Variants in DCAF5 observed in about 807,000 individuals in gnomAD.
DCAF5 encodes the protein DDB1 and CUL4 associated factor 5.
DCAF5 carries 9 observed loss-of-function variants against 80.7 expected under a neutral mutation model. The observed-to-expected ratio is 0.11, with a 90% CI of 0.07 to 0.19. DCAF5 has a LOEUF of 0.19. Ranked by LOEUF, DCAF5 falls within the 10% of genes least tolerant of loss-of-function variation. The pLI is 1.00. For missense variants in DCAF5, 842 were observed against 1,205.7 expected (o/e 0.70, Z 4.47); for synonymous variants, 433 against 461.9 (o/e 0.94, Z 0.80).
intron 1 of DCAF5, among the ~76,000 whole-genome samples, chr14:69,124,976 T>C (rs1458442773): frequency 6.6e-6 from 1 of 152,198 alleles, no homozygotes; most frequent in Non-Finnish European, 1.5e-5. Flanking sequence ...CTAATCTCCC[T>C]CTGCCTCAGT....
intron 5 of DCAF5, among the ~76,000 whole-genome samples, chr14:69,093,252 G>A (rs2039591857): frequency 6.6e-6 from 1 of 152,018 alleles, no homozygotes; most frequent in African/African-American, 2.4e-5. Flanking sequence ...TATATGTTGG[G>A]GACACTGTAG....
At chr14:69,096,615 C>A (rs867087694) in intron 5 of DCAF5, among the ~76,000 whole-genome samples, 2 of 152,220 alleles carry the variant, frequency 1.3e-5, no homozygotes, top group African/African-American at 4.8e-5. Flanking sequence ...TGTTCTAGAG[C>A]CCAGAACGCT....
At chr14:69,137,861 T>A (rs2140106588) in intron 1 of DCAF5, among the ~76,000 whole-genome samples, 1 of 152,366 alleles carries the variant, frequency 6.6e-6, no homozygotes, top group South Asian at 2.1e-4. Flanking sequence ...TTCTACTTTA[T>A]TACTATTGTT....
intron 6 of DCAF5, chr14:69,083,533 G>A (rs2039197225): frequency 5.5e-6 from 2 of 362,568 alleles, no homozygotes; most frequent in Middle Eastern, 8.7e-4. Context: ...TGTGTCTGAA[G>A]AAACAACGGG....
rs11396838 is a variant in DCAF5 at position 69,141,139 on chromosome 14, TAAAAAAAAAAA to T, written c.214+11615_214+11625del. ...ACAGAGCGAGACTCCATCTCAAATT[TAAAAAAAAAAA>T]AAAAAAAAAAAAAAAAAAGTGGCAG... On this transcript the variant is annotated intron_variant, in intron 1 of 8. Coordinates refer to ENST00000341516, the MANE Select transcript of DCAF5 (RefSeq NM_003861.3). 2.5e-4 allele frequency among the ~76,000 whole-genome samples: 15 copies of T among 59,426 alleles called. No individual in the cohort carries two copies. In the South Asian group the frequency reaches 2.7e-3, roughly 11 times the overall value. The allele number at this position is 59,426 out of a possible 152,430, so 39.0% of individuals were successfully genotyped here. A position where few individuals can be genotyped will look rare whatever the true frequency, so the allele number is the denominator to read the frequency against.
chr14:69,096,593 C>A (rs1185664514), intron 5 of DCAF5, among the ~76,000 whole-genome samples: 1 of 152,110 alleles, frequency 6.6e-6, no homozygotes, highest in African/African-American at 2.4e-5. Flanking sequence ...AGGAACATGC[C>A]CAGAGTGGAT....
intron 1 of DCAF5, among the ~76,000 whole-genome samples, chr14:69,137,628 T>C (rs559274720): frequency 8.8e-4 from 134 of 152,272 alleles, no homozygotes; most frequent in Non-Finnish European, 1.5e-3. Context: ...CACCAGCAGA[T>C]GTAAACAGAG....
At chr14:69,075,278 G>T in intron 7 of DCAF5, 67 bp downstream of exon 7, 1 of 1,330,406 alleles carries the variant, frequency 7.5e-7, no homozygotes, top group South Asian at 1.3e-5. Flanking sequence ...TGTCCCCTCA[G>T]GGCACAGCAT....
chr14:69,077,419 T>G (rs2038943596), intron 6 of DCAF5, among the ~76,000 whole-genome samples: 1 of 149,840 alleles, frequency 6.7e-6, no homozygotes, highest in Non-Finnish European at 1.5e-5. Flanking sequence ...GGTCTTGCTC[T>G]GTCACCCAGG....
rs764156445 is a variant in DCAF5, at chr14:69,054,247, G to A, written c.2439C>T (p.Pro813=). The A allele has an allele frequency of 3.1e-6, 5 of 1,614,226 alleles. No individual in the cohort carries two copies. In the East Asian group the frequency reaches 1.1e-4, roughly 36 times the overall value. The change falls in exon 9 of 9, where the codon CCC becomes CCT. Residue 813 remains proline, a synonymous_variant. Coordinates refer to ENST00000341516, the MANE Select transcript of DCAF5 (RefSeq NM_003861.3). ...STLNSGSGNC[P]RTQSDDSEER... is the part of the protein sequence containing the mutation. The stretch of plus-strand genomic sequence containing the variant: ...CCTCACTGTCATCAGACTGGGTCCT[G>A]GGACAGTTGCCAGACCCGCTGTTGA...
At chr14:69,104,814 G>A (rs1341429244) in intron 5 of DCAF5, among the ~76,000 whole-genome samples, 3 of 151,536 alleles carry the variant, frequency 2.0e-5, no homozygotes, top group East Asian at 3.9e-4. Flanking sequence ...CCAAGATAGC[G>A]CCATTGCACT....
chr14:69,064,735 A>G (rs976569396), intron 7 of DCAF5, among the ~76,000 whole-genome samples: 1 of 152,236 alleles, frequency 6.6e-6, no homozygotes, highest in Non-Finnish European at 1.5e-5. Context: ...AAGCCATTTC[A>G]TCACACCACT....
intron 6 of DCAF5, among the ~76,000 whole-genome samples, chr14:69,086,561 G>A (rs2039328723): frequency 6.6e-6 from 1 of 150,812 alleles, no homozygotes; most frequent in Non-Finnish European, 1.5e-5. Context: ...TTCAGATAAA[G>A]GAGAACATAT....
chr14:69,068,635 T>C (rs1289726727), intron 7 of DCAF5, among the ~76,000 whole-genome samples: 1 of 150,476 alleles, frequency 6.6e-6, no homozygotes, highest in African/African-American at 2.5e-5. Flanking sequence ...GAGACAGAAG[T>C]TGCGGTGAGC....
At chr14:69,090,981 T>C in intron 6 of DCAF5, 1 of 673,548 alleles carries the variant, frequency 1.5e-6, no homozygotes, top group East Asian at 2.7e-5. Flanking sequence ...TGACCCAGAT[T>C]AGCCCAACTG....
At chr14:69,066,414 C>T (rs1430974606) in intron 7 of DCAF5, among the ~76,000 whole-genome samples, 1 of 152,144 alleles carries the variant, frequency 6.6e-6, no homozygotes, top group Non-Finnish European at 1.5e-5. Context: ...GGATTACAGG[C>T]ATGAGCCACT....
At chr14:69,083,458 C>A in intron 6 of DCAF5, 1 of 322,552 alleles carries the variant, frequency 3.1e-6, no homozygotes, top group Non-Finnish European at 6.0e-6. Context: ...CCTCAAACTG[C>A]GGCAGTGGAA....
Position 69,152,724 on chromosome 14 carries a change from G to C in DCAF5, c.214+41C>G, listed in dbSNP as rs767129806. ...GGAGAGCGAGAGGGGGAGGCTGGGA[G>C]GGTGCGGGGAGGCGCGGGGAGGGGA... On this transcript the variant is annotated intron_variant, in intron 1 of 8. Transcript: ENST00000341516. The surrounding 1 kb of genome is among the most constrained non-coding windows in gnomAD (Gnocchi z 4.1). 1 of 1,513,604 alleles carries C rather than the reference G, an allele frequency of 6.6e-7. No individual in the cohort carries two copies. The allele number at this position is 1,513,604 out of a possible 1,614,324, so 93.8% of individuals were successfully genotyped here. A position where few individuals can be genotyped will look rare whatever the true frequency, so the allele number is the denominator to read the frequency against.
chr14:69,075,492 T>A, intron 6 of DCAF5, 81 bp from the exon 7 acceptor site: 1 of 854,432 alleles, frequency 1.2e-6, no homozygotes, highest in East Asian at 4.6e-5. Flanking sequence ...AACATATTAA[T>A]TTTTTTTGAG....
Sources: gnomAD v4.1 joint callset for allele counts (sites outside exome capture counted in the v4.1 genomes callset) on GRCh38, gnomAD v4.1.1 for gene constraint, Gnocchi (gnomAD v3.1) non-coding constraint, MANE v1.5 for transcripts, NCBI Gene and HGNC (gene_info 2026-07-23, HGNC 2026-07-21) for gene names.